Variants in SGCD observed in about 807,000 individuals in gnomAD.
SGCD encodes delta-sarcoglycan.
SGCD carries 18 observed loss-of-function variants against 36.6 expected under a neutral mutation model. The ratio of observed to expected loss-of-function variants is 0.49; its 90% CI spans 0.34 to 0.73. SGCD has a LOEUF of 0.73. SGCD is among the 30% of genes least tolerant of loss of function. The pLI is 0.01. For missense variants in SGCD, 387 were observed against 346.7 expected (o/e 1.12, Z -0.92); for synonymous variants, 133 against 130.6 (o/e 1.02, Z -0.12).
chr5:155,891,925 G>C (rs773095377), intron 1 of SGCD, among the ~76,000 whole-genome samples: 1 of 152,132 alleles, frequency 6.6e-6, no homozygotes, highest in Non-Finnish European at 1.5e-5. Context: ...GAGAATTATA[G>C]AAGTAATCTG....
chr5:156,425,062 A>G (rs74745438), intron 3 of SGCD, among the ~76,000 whole-genome samples: 2,067 of 152,156 alleles, frequency 0.014, 22 homozygotes, highest in Non-Finnish European at 0.023. Context: ...AATGCTGAGA[A>G]ACTTTCCAAA....
the SGCD span, among the ~76,000 whole-genome samples, chr5:155,747,464 C>T: frequency 6.6e-5 from 10 of 152,108 alleles, no homozygotes; most frequent in African/African-American, 2.2e-4. Context: ...GGTTTAAAAC[C>T]AGTTTCTTGT....
At chr5:155,988,262 A>G (rs528725706) in intron 1 of SGCD, among the ~76,000 whole-genome samples, 26 of 152,242 alleles carry the variant, frequency 1.7e-4, no homozygotes, top group Non-Finnish European at 1.6e-4. Context: ...AAGCGCTTTT[A>G]AAGCATAAAG....
rs544117786 is a variant in SGCD at position 156,728,498 on chromosome 5, G to A, written c.576-29083G>A. The stretch of plus-strand genomic sequence containing the variant: ...TGCACTCCAGCCTGGGTGACAGAGC[G>A]AGACTCTGTCAAAAAAAAAAAAAAA... On this transcript the variant is annotated intron_variant, in intron 7 of 8. Transcript: ENST00000337851. Among the ~76,000 whole-genome samples, 55 of 98,394 alleles carry A rather than the reference G, an allele frequency of 5.6e-4. No individual in the cohort carries two copies. In the South Asian group the frequency reaches 5.7e-3, roughly 10 times the overall value. 64.6% of individuals were successfully genotyped at this position (98,394 alleles called of 152,430 possible).
intron 3 of SGCD, among the ~76,000 whole-genome samples, chr5:156,259,243 C>T (rs1411208316): frequency 6.6e-6 from 1 of 151,798 alleles, no homozygotes; most frequent in African/African-American, 2.4e-5. Context: ...TCTTTCCATG[C>T]CTAGTGGCCA....
chr5:156,700,110 A>C lies in SGCD; in HGVS notation c.575+52574A>C, dbSNP rs78365253. Among the ~76,000 whole-genome samples, 808 of 152,260 alleles carry C rather than the reference A, an allele frequency of 5.3e-3. 13 individuals are homozygous for C. Among genetic ancestry groups the C allele is most frequent in the African/African-American group, 0.018 (762 of 41,564 alleles). ...ACTAAACTCCATCCTCAGTCAATCT[A>C]ATTCTTTGTCTACCCTCTGTCTTCA... On this transcript the variant is annotated intron_variant, in intron 7 of 8. Coordinates refer to ENST00000337851, the MANE Select transcript of SGCD (RefSeq NM_000337.6).
the SGCD span, among the ~76,000 whole-genome samples, chr5:155,852,020 G>C: frequency 1.3e-5 from 2 of 152,208 alleles, no homozygotes; most frequent in Non-Finnish European, 2.9e-5. Context: ...GCAGAGCCTG[G>C]AACATGATAG....
chr5:155,977,156 T>C (rs1323627091), intron 1 of SGCD, among the ~76,000 whole-genome samples: 5 of 152,202 alleles, frequency 3.3e-5, no homozygotes, highest in African/African-American at 1.2e-4. Flanking sequence ...GGGAAGCACC[T>C]CATCATTGCC....
chr5:156,493,124 T>G (rs986338837), intron 3 of SGCD, among the ~76,000 whole-genome samples: 1 of 152,144 alleles, frequency 6.6e-6, no homozygotes, highest in South Asian at 2.1e-4. Context: ...TTCTAGATCC[T>G]TGAGGAATCA....
At chr5:156,497,442 A>G (rs1756246181) in intron 3 of SGCD, among the ~76,000 whole-genome samples, 1 of 152,194 alleles carries the variant, frequency 6.6e-6, no homozygotes, top group South Asian at 2.1e-4. Context: ...TACTGTTGGA[A>G]ACCATGAAAT....
the SGCD span, among the ~76,000 whole-genome samples, chr5:155,795,498 C>A: frequency 2.0e-5 from 3 of 151,830 alleles, no homozygotes; most frequent in African/African-American, 7.3e-5. Context: ...TTTTGAGTAA[C>A]CACTAACAAA....
chr5:156,500,900 C>T (rs139442083), intron 3 of SGCD, among the ~76,000 whole-genome samples: 2 of 152,280 alleles, frequency 1.3e-5, no homozygotes, highest in East Asian at 1.9e-4. Flanking sequence ...AGGAAGTCCA[C>T]GTCACTCAGA....
In SGCD at chr5:156,502,038, C is replaced by CTT. The variant is rs34669004; in HGVS notation, c.193-6549_193-6548dup. On this transcript the variant is annotated intron_variant, in intron 3 of 8. Coordinates refer to ENST00000337851, the MANE Select transcript of SGCD (RefSeq NM_000337.6). ...AATTGTTCTAGGAATGATATTCTCT[C>CTT]TTTTTTTTTTTTTTTGTTTGGTTTT... is the stretch of plus-strand genomic sequence containing the variant. Among the ~76,000 whole-genome samples the CTT allele has an allele frequency of 1.5e-3, 213 of 141,092 alleles. 2 individuals carry two copies. The highest frequency in any genetic ancestry group is 4.2e-3 in the African/African-American group (164 of 38,646). The allele number at this position is 141,092 out of a possible 152,430, so 92.6% of individuals were successfully genotyped here.
chr5:156,259,050 A>C (rs1404913002), intron 3 of SGCD, among the ~76,000 whole-genome samples: 1 of 152,080 alleles, frequency 6.6e-6, no homozygotes, highest in Non-Finnish European at 1.5e-5. Context: ...GAGTGATTTT[A>C]CAATTTTATA....
At chr5:156,487,747 C>T (rs1755740448) in intron 3 of SGCD, among the ~76,000 whole-genome samples, 1 of 129,800 alleles carries the variant, frequency 7.7e-6, no homozygotes, top group Non-Finnish European at 1.6e-5. Context: ...GAGATTGCAC[C>T]ACTGCACTCC....
intron 3 of SGCD, among the ~76,000 whole-genome samples, chr5:156,438,749 G>A (rs190026488): frequency 6.6e-6 from 1 of 152,046 alleles, no homozygotes. Context: ...AAAGTCTTTT[G>A]TACCTTCTAT....
At chr5:156,423,134 T>C (rs1379481302) in intron 3 of SGCD, among the ~76,000 whole-genome samples, 3 of 113,964 alleles carry the variant, frequency 2.6e-5, no homozygotes, top group African/African-American at 9.4e-5. Flanking sequence ...AATTAATTAA[T>C]AATTAATATT....
At chr5:156,428,694 G>A (rs1206602640) in intron 3 of SGCD, among the ~76,000 whole-genome samples, 4 of 152,090 alleles carry the variant, frequency 2.6e-5, no homozygotes, top group African/African-American at 9.6e-5. Context: ...TTTCCACTTA[G>A]CACTGCTTTT....
chr5:156,680,670 G>T (rs768285675), intron 7 of SGCD, among the ~76,000 whole-genome samples: 2 of 152,178 alleles, frequency 1.3e-5, no homozygotes, highest in Non-Finnish European at 2.9e-5. Flanking sequence ...ACATGTGAAA[G>T]TCAGTCTTAT....
Sources: gnomAD v4.1 joint callset for allele counts (sites outside exome capture counted in the v4.1 genomes callset) on GRCh38, gnomAD v4.1.1 for gene constraint, MANE v1.5 for transcripts, NCBI Gene and HGNC (gene_info 2026-07-23, HGNC 2026-07-21) for gene names.